The following RSPO3 variants were observed in gnomAD, a reference collection of about 807,000 sequenced individuals.
RSPO3 encodes R-spondin-3.
RSPO3 carries 17 observed loss-of-function variants against 36.5 expected under a neutral mutation model. The observed-to-expected ratio is 0.47, with a 90% CI of 0.32 to 0.70. RSPO3 has a LOEUF of 0.70. Among genes scored for constraint, RSPO3 ranks in the 30% least tolerant of loss-of-function variants. RSPO3 has a pLI of 0.04. For synonymous variants in RSPO3, 108 were observed against 107.0 expected, an observed-to-expected ratio of 1.01 and a Z score of -0.06; for missense variants, 294 against 322.5, an observed-to-expected ratio of 0.91 and a Z score of 0.68.
At position 127,181,975 on chromosome 6, in the gene RSPO3, C is replaced by T. The variant is rs558630149; in HGVS notation, c.635-13848C>T. The stretch of plus-strand genomic sequence containing the variant: ...TGTACAAGAAGCATGGCACCAGTAT[C>T]TGACTCTGGTGAGGGCCTCAGGCTG... On this transcript the variant is annotated intron_variant, in intron 4 of 4. Coordinates refer to ENST00000356698, the MANE Select transcript of RSPO3 (RefSeq NM_032784.5). Among the ~76,000 whole-genome samples the T allele has an allele frequency of 8.6e-5, 13 of 151,986 alleles. No homozygotes were observed. In the South Asian group the frequency reaches 1.5e-3, roughly 17 times the overall value.
At chr6:127,159,178 G>A (rs528312574) in intron 4 of RSPO3, among the ~76,000 whole-genome samples, 4 of 152,152 alleles carry the variant, frequency 2.6e-5, no homozygotes, top group Non-Finnish European at 4.4e-5. Context: ...GTATGTGGTG[G>A]TGGAAGCAGA....
rs376312145 is a variant in RSPO3, at chr6:127,130,808, T to C, written c.97+11519T>C. Among the ~76,000 whole-genome samples, 23 of 152,150 alleles carry C rather than the reference T, an allele frequency of 1.5e-4. No homozygotes were observed. The East Asian group carries it at 2.9e-3, about 19-fold the overall frequency. On this transcript the variant is annotated intron_variant, in intron 1 of 4. Transcript: ENST00000356698. Reference sequence around the variant, plus strand: ...AGCTACATATTTGTTTCTTATAGAATTTAGTTTTGTTTTTCAATTTATGAT... The same window carrying C: ...AGCTACATATTTGTTTCTTATAGAACTTAGTTTTGTTTTTCAATTTATGAT...
chr6:127,157,809 G>C (rs1002918978), intron 4 of RSPO3, among the ~76,000 whole-genome samples: 1 of 151,788 alleles, frequency 6.6e-6, no homozygotes, highest in Middle Eastern at 3.4e-3. Context: ...CTACAGGTAG[G>C]AAGAAAATCA....
chr6:127,141,795 G>A (rs1054637547), intron 1 of RSPO3, among the ~76,000 whole-genome samples: 8 of 152,084 alleles, frequency 5.3e-5, no homozygotes, highest in African/African-American at 9.7e-5. Context: ...TGAGTTTGAC[G>A]AAAGACCAAT....
intron 1 of RSPO3, among the ~76,000 whole-genome samples, chr6:127,140,773 A>G (rs537935441): frequency 6.6e-6 from 1 of 152,140 alleles, no homozygotes; most frequent in African/African-American, 2.4e-5. Context: ...CTCATTTTAT[A>G]GCACTCAACG....
chr6:127,171,531 A>G (rs1324208154), intron 4 of RSPO3, among the ~76,000 whole-genome samples: 1 of 151,802 alleles, frequency 6.6e-6, no homozygotes, highest in Non-Finnish European at 1.5e-5. Context: ...TGACTATAGT[A>G]AAACTATGGA....
chr6:127,153,001 A>G (rs992210209), intron 3 of RSPO3, among the ~76,000 whole-genome samples: 13 of 152,138 alleles, frequency 8.5e-5, no homozygotes, highest in Admixed American at 5.9e-4. Context: ...AATGACCAGT[A>G]AAGTCACTAC....
intron 1 of RSPO3, among the ~76,000 whole-genome samples, chr6:127,130,951 T>C (rs986811616): frequency 3.9e-5 from 6 of 152,088 alleles, no homozygotes; most frequent in African/African-American, 1.4e-4. Context: ...TCTCATTTCA[T>C]GCCATCCTCA....
At chr6:127,177,908 C>A (rs1431763880) in intron 4 of RSPO3, among the ~76,000 whole-genome samples, 1 of 150,418 alleles carries the variant, frequency 6.6e-6, no homozygotes, top group Non-Finnish European at 1.5e-5. Flanking sequence ...TTTTTTTTTA[C>A]AAAAAGAGAA....
intron 4 of RSPO3, among the ~76,000 whole-genome samples, chr6:127,193,294 AC>A (rs1775449331): frequency 6.6e-6 from 1 of 152,196 alleles, no homozygotes; most frequent in Non-Finnish European, 1.5e-5. Flanking sequence ...GCAGAAATGC[AC>A]TGCCAGTTGA....
At chr6:127,192,798 A>T in intron 4 of RSPO3, 1 of 588,794 alleles carries the variant, frequency 1.7e-6, no homozygotes, top group South Asian at 7.4e-5. Context: ...GTGTGTGTAT[A>T]TATGTCAGAT....
intron 2 of RSPO3, 103 bp downstream of exon 2, chr6:127,148,942 T>C (rs1395827340): frequency 1.1e-6 from 1 of 915,518 alleles, no homozygotes; most frequent in Admixed American, 2.6e-5. Flanking sequence ...AAGTAAATGA[T>C]AATGTTTATC....
In RSPO3 at chr6:127,197,357, T is replaced by C. The variant is rs986175488; in HGVS notation, c.*1350T>C. 4 of 1,536,710 alleles carry C rather than the reference T, an allele frequency of 2.6e-6. No homozygotes were observed. Among genetic ancestry groups the C allele is most frequent in the Non-Finnish European group, 3.5e-6 (4 of 1,139,598 alleles). Reference sequence around the variant, plus strand: ...AGAAATGGGCATCATTTCTTGTATGTCAGATCCCCCTGCATCTTCAACATT... The same window carrying C: ...AGAAATGGGCATCATTTCTTGTATGCCAGATCCCCCTGCATCTTCAACATT... On this transcript the variant is annotated 3_prime_UTR_variant, in exon 5 of 5. Coordinates refer to ENST00000356698, the MANE Select transcript of RSPO3 (RefSeq NM_032784.5).
chr6:127,192,640 A>C, intron 4 of RSPO3: 1 of 985,078 alleles, frequency 1.0e-6, no homozygotes, highest in Non-Finnish European at 1.2e-6. Flanking sequence ...AAACACCCTC[A>C]TAGGTAGAAC....
chr6:127,145,432 G>A (rs898547617), intron 1 of RSPO3, among the ~76,000 whole-genome samples: 4 of 152,084 alleles, frequency 2.6e-5, no homozygotes, highest in African/African-American at 7.2e-5. Flanking sequence ...AATCACTGGT[G>A]TGATTGAAAC....
At chr6:127,145,099 T>A (rs565582761) in intron 1 of RSPO3, among the ~76,000 whole-genome samples, 1 of 152,306 alleles carries the variant, frequency 6.6e-6, no homozygotes, top group South Asian at 2.1e-4. Flanking sequence ...CAGTATTCTA[T>A]GCACCATGCC....
chr6:127,134,290 T>A (rs910372412), intron 1 of RSPO3, among the ~76,000 whole-genome samples: 1 of 152,224 alleles, frequency 6.6e-6, no homozygotes, highest in Admixed American at 6.5e-5. Flanking sequence ...GTAGTTAGCA[T>A]TTTTAAGTAA....
chr6:127,134,522 T>C (rs1582787911), intron 1 of RSPO3, among the ~76,000 whole-genome samples: 3 of 152,278 alleles, frequency 2.0e-5, no homozygotes, highest in Admixed American at 1.3e-4. Context: ...AACATACAAG[T>C]CAATCTACTT....
chr6:127,177,030 G>C (rs1489161036), intron 4 of RSPO3, among the ~76,000 whole-genome samples: 5 of 151,892 alleles, frequency 3.3e-5, no homozygotes, highest in African/African-American at 1.2e-4. Flanking sequence ...CAACTAGGGT[G>C]AATTTTCACC....
Sources: allele counts gnomAD v4.1 joint callset (sites outside exome capture counted in the v4.1 genomes callset), GRCh38; gene constraint gnomAD v4.1.1; transcripts MANE v1.5; gene names NCBI Gene and HGNC (gene_info 2026-07-23, HGNC 2026-07-21).